Variants in ITGAV observed in about 807,000 individuals in gnomAD.
The protein encoded by ITGAV is integrin subunit alpha V.
ITGAV carries 76 observed loss-of-function variants against 143.8 expected under a neutral mutation model. The observed-to-expected ratio is 0.53, with a 90% confidence interval of 0.44 to 0.64. ITGAV has a LOEUF of 0.64. Ranked by LOEUF, ITGAV falls within the 30% of genes least tolerant of loss-of-function variation. ITGAV has a pLI of 0.00. For missense variants in ITGAV, 1,193 were observed against 1,274.7 expected, an observed-to-expected ratio of 0.94 and a Z score of 0.98; for synonymous variants, 453 against 446.7, an observed-to-expected ratio of 1.01 and a Z score of -0.18.
chr2:186,623,793 A>G (rs1003385858), intron 3 of ITGAV, among the ~76,000 whole-genome samples: 1 of 152,166 alleles, frequency 6.6e-6, no homozygotes, highest in African/African-American at 2.4e-5. Context: ...AGCACTCACA[A>G]TCTGCCTCAA....
chr2:186,597,947 T>C (rs1439607741), intron 1 of ITGAV, among the ~76,000 whole-genome samples: 3 of 152,158 alleles, frequency 2.0e-5, no homozygotes, highest in Non-Finnish European at 4.4e-5. Context: ...TGAGCTACTA[T>C]TTGAAGACAA....
intron 8 of ITGAV, 36 bp from the exon 9 acceptor site, chr2:186,638,241 T>TA: frequency 6.2e-7 from 1 of 1,605,788 alleles, no homozygotes; most frequent in Middle Eastern, 1.7e-4. Context: ...AGTGTTGTCC[T>TA]AAAAAATGAA....
At position 186,641,774 on chromosome 2, in the gene ITGAV, A is replaced by G. The variant is rs990903134; in HGVS notation, c.1159+186A>G. The G allele has an allele frequency of 4.1e-5, 24 of 583,930 alleles. No individual in the cohort carries two copies. In the African/African-American group the frequency reaches 4.5e-4, roughly 11 times the overall value. 36.2% of individuals were successfully genotyped at this position (583,930 alleles called of 1,614,324 possible). A position where few individuals can be genotyped will look rare whatever the true frequency, so the allele number is the denominator to read the frequency against. ...TTTTTCTTTAAAAATCAGAGCAAAG[A>G]TTTCAATAATGGACTCTCATGAGTT... On this transcript the variant is annotated intron_variant, in intron 12 of 29. Coordinates refer to ENST00000261023, the MANE Select transcript of ITGAV (RefSeq NM_002210.5).
intron 19 of ITGAV, 31 bp from the exon 20 acceptor site, chr2:186,664,463 C>T (rs1480884976): frequency 1.3e-6 from 2 of 1,596,160 alleles, no homozygotes; most frequent in Admixed American, 1.8e-5. Flanking sequence ...GTCTTTTTTT[C>T]TCAGTCTGGA....
At chr2:186,676,627 C>T (rs756777259) in intron 28 of ITGAV, among the ~76,000 whole-genome samples, 186 bp from the exon 29 acceptor site, 1 of 152,154 alleles carries the variant, frequency 6.6e-6, no homozygotes, top group Middle Eastern at 3.4e-3. Context: ...AGAAGTCAGC[C>T]TATCATTGGG....
chr2:186,643,548 T>A (rs977283571), intron 12 of ITGAV, among the ~76,000 whole-genome samples: 3 of 152,192 alleles, frequency 2.0e-5, no homozygotes, highest in African/African-American at 7.2e-5. Flanking sequence ...CATGAAGACA[T>A]TAAGTGTCAT....
chr2:186,637,342 C>T (rs1345228826), intron 8 of ITGAV, among the ~76,000 whole-genome samples: 3 of 151,658 alleles, frequency 2.0e-5, no homozygotes, highest in South Asian at 2.1e-4. Context: ...ATTAGCCGGG[C>T]GCGGTGATGC....
At chr2:186,612,192 C>T (rs191695196) in intron 2 of ITGAV, among the ~76,000 whole-genome samples, 2 of 152,138 alleles carry the variant, frequency 1.3e-5, no homozygotes, top group Admixed American at 1.3e-4. Context: ...AACATGTTTT[C>T]CTTTTCTAGG....
At chr2:186,668,243 T>TTTTTTTG (rs1360284131) in intron 24 of ITGAV, among the ~76,000 whole-genome samples, 1 of 123,378 alleles carries the variant, frequency 8.1e-6, no homozygotes, top group Non-Finnish European at 1.7e-5. Flanking sequence ...TTTTTTTTTT[T>TTTTTTTG]GAGGTGAAGT....
At chr2:186,645,694 C>T (rs941681931) in intron 12 of ITGAV, among the ~76,000 whole-genome samples, 5 of 152,002 alleles carry the variant, frequency 3.3e-5, no homozygotes, top group African/African-American at 9.7e-5. Context: ...TAAGGCCGGG[C>T]GCGTGGTTCA....
In ITGAV at chr2:186,608,244, G is replaced by A. The variant is rs190894861; in HGVS notation, c.316+6093G>A. The stretch of plus-strand genomic sequence containing the variant: ...TGCAAGTAGATTGGTGCTTCATATG[G>A]CCTTTGATAGTTTTGTGAGTTTGAA... On this transcript the variant is annotated intron_variant, in intron 2 of 29. Transcript: ENST00000261023. Among the ~76,000 whole-genome samples, 18 of 152,242 alleles carry A rather than the reference G, an allele frequency of 1.2e-4. No homozygotes were observed. The East Asian group carries it at 3.3e-3, about 28-fold the overall frequency.
chr2:186,614,489 G>T (rs1282563442), intron 2 of ITGAV, among the ~76,000 whole-genome samples: 2 of 152,082 alleles, frequency 1.3e-5, no homozygotes, highest in Non-Finnish European at 2.9e-5. Context: ...CAAGATTTCT[G>T]ATACATATTT....
At chr2:186,633,248 T>C in intron 5 of ITGAV, 81 bp from the exon 6 acceptor site, 1 of 783,368 alleles carries the variant, frequency 1.3e-6, no homozygotes, top group South Asian at 1.6e-5. Context: ...TACATATATA[T>C]CTTATGTTTT....
At chr2:186,675,290 T>C (rs576723843) in intron 26 of ITGAV, among the ~76,000 whole-genome samples, 1 of 152,212 alleles carries the variant, frequency 6.6e-6, no homozygotes, top group South Asian at 2.1e-4. Context: ...CTAAAGAATA[T>C]TGAGTTCTAG....
chr2:186,656,004 AT>A (rs569858315), intron 16 of ITGAV, among the ~76,000 whole-genome samples: 2 of 151,994 alleles, frequency 1.3e-5, no homozygotes, highest in South Asian at 2.1e-4. Context: ...TACTACTATC[AT>A]TTTTTTGGGA....
intron 14 of ITGAV, among the ~76,000 whole-genome samples, chr2:186,651,575 T>G (rs990465056): frequency 4.6e-5 from 7 of 152,210 alleles, no homozygotes; most frequent in African/African-American, 1.7e-4. Flanking sequence ...TTTGTACTTT[T>G]TGGGTTTTTT....
chr2:186,673,207 T>A (rs1269562950), intron 26 of ITGAV, among the ~76,000 whole-genome samples: 1 of 152,208 alleles, frequency 6.6e-6, no homozygotes, highest in East Asian at 1.9e-4. Context: ...TTGGCAGTCT[T>A]GTTGGAGATG....
chr2:186,655,094 G>A (rs1172809327), intron 16 of ITGAV, among the ~76,000 whole-genome samples: 2 of 152,194 alleles, frequency 1.3e-5, no homozygotes, highest in Non-Finnish European at 2.9e-5. Context: ...AGGAGTAGAG[G>A]TGGTTTAGAA....
chr2:186,601,268 C>T (rs1686895445), intron 1 of ITGAV, among the ~76,000 whole-genome samples: 1 of 151,476 alleles, frequency 6.6e-6, no homozygotes, highest in African/African-American at 2.4e-5. Context: ...TAAGCCTAGG[C>T]AATGTGGCGA....
Sources: allele counts gnomAD v4.1 joint callset (sites outside exome capture counted in the v4.1 genomes callset), GRCh38; gene constraint gnomAD v4.1.1; transcripts MANE v1.5; gene names NCBI Gene and HGNC (gene_info 2026-07-23, HGNC 2026-07-21).